MUC4: variants seen among roughly 807,000 people sequenced by gnomAD.
MUC4 encodes the protein mucin-4.
MUC4 carries 202 observed loss-of-function variants against 257.9 expected under a neutral mutation model. That is an observed-to-expected ratio of 0.78 (90% CI 0.70 to 0.88). The LOEUF (loss-of-function observed/expected upper bound fraction) is 0.88, where lower values mean the gene tolerates loss of function less well. Among genes scored for constraint, MUC4 ranks in the 40% least tolerant of loss-of-function variants. The pLI is 0.00. For synonymous variants in MUC4, 2,351 were observed against 2,757.1 expected, an observed-to-expected ratio of 0.85 and a Z score of 4.62; for missense variants, 5,976 against 6,513.7, an observed-to-expected ratio of 0.92 and a Z score of 2.84.
At chr3:195,749,849 T>C (rs1716007558) in intron 23 of MUC4, 1 of 152,312 alleles carries the variant, frequency 6.6e-6, no homozygotes, top group Admixed American at 6.5e-5. Flanking sequence ...GGATTGGGAT[T>C]ACAGGGTTTT....
chr3:195,747,525 T>A, intron 24 of MUC4, 145 bp from the exon 25 acceptor site: 1 of 1,019,470 alleles, frequency 9.8e-7, no homozygotes, highest in Non-Finnish European at 1.4e-6. Flanking sequence ...CCTGAGGCCG[T>A]GCTGAAGTGA....
At chr3:195,767,644 G>A (rs868125141) in intron 7 of MUC4, among the ~76,000 whole-genome samples, 469 of 22,568 alleles carry the variant, frequency 0.021, 4 homozygotes, top group Middle Eastern at 0.053. Flanking sequence ...CACCACCATC[G>A]CCACCACCAC....
At position 195,762,940 on chromosome 3, in the gene MUC4, T is replaced by C. The variant is rs376665664; in HGVS notation, c.14259A>G (p.Gln4753=). Residue 4753 remains glutamine (Q), a synonymous_variant, in exon 13 of 25, where the codon CAA becomes CAG. Coordinates refer to ENST00000463781, the MANE Select transcript of MUC4 (RefSeq NM_018406.7). The part of the protein sequence containing the change: ...RSSSLGPVTV[Q]WLLEPHDAIR... ...TTGCGTCGTGAGGCTCAAGGAGCCA[T>C]TGGACCTGGAAGGAGATGGGAGGGG... 1.5e-5 allele frequency: 24 copies of C among 1,558,812 alleles called. No individual in the cohort carries two copies. In the African/African-American group the frequency reaches 2.0e-4, roughly 13 times the overall value.
intron 1 of MUC4, among the ~76,000 whole-genome samples, chr3:195,797,059 C>G (rs1165083192): frequency 6.6e-6 from 1 of 152,040 alleles, no homozygotes; most frequent in East Asian, 1.9e-4. Flanking sequence ...CCTGGCCAAC[C>G]TAGAGAAACC....
In MUC4 at chr3:195,780,669, G is replaced by C. The variant is rs780963852; in HGVS notation, c.10911C>G (p.Ser3637Arg). The change falls in exon 2 of 25, where the codon AGC becomes AGG. Residue 3637 changes from serine (S) to arginine (R), a missense_variant. Ser to Arg is a moderately radical substitution (Grantham distance 110, BLOSUM62 -1). Around this residue, in one of 44 missense-constraint regions of MUC4, gnomAD observed 59 missense variants for 149.8 expected, o/e 0.39. Transcript: ENST00000463781. ...TGTCACCTGTGGATACTGAGGAAAG[G>C]CTGGTGACAGGAAGAGGGGTGGCCT... ...TGQATPLPVT[S>R]LSSVSTGDTT... 6.6e-7 allele frequency: 1 copy of C among 1,523,656 alleles called. No individual in the cohort carries two copies. The highest frequency in any genetic ancestry group is 1.2e-5 in the South Asian group (1 of 83,146). 94.4% of individuals were successfully genotyped at this position (1,523,656 alleles called of 1,614,324 possible).
chr3:195,756,831 T>G (rs897889045), intron 18 of MUC4, among the ~76,000 whole-genome samples: 1 of 151,864 alleles, frequency 6.6e-6, no homozygotes, highest in Non-Finnish European at 1.5e-5. Flanking sequence ...CCCAGCTAAT[T>G]TTTGTATTTT....
Position 195,752,459 on chromosome 3 carries a change from G to A in MUC4, c.15509-13C>T. 1.2e-6 allele frequency: 2 copies of A among 1,609,734 alleles called. No homozygotes were observed. The highest frequency in any genetic ancestry group is 4.5e-5 in the East Asian group (2 of 44,856). On this transcript the variant is annotated splice_polypyrimidine_tract_variant and intron_variant, in intron 20 of 24. Transcript: ENST00000463781. ...CTTAAGGGAAGTTCTGGAGATGGGA[G>A]AAGCAAATGTATCATCACCCCACGG... is the stretch of plus-strand genomic sequence containing the variant.
In MUC4 at chr3:195,784,805, C is replaced by G. The variant is rs766148419; in HGVS notation, c.6775G>C (p.Val2259Leu). The change falls in exon 2 of 25, where the codon GTC becomes CTC. Residue 2259 changes from valine to leucine, a missense_variant. Coordinates refer to ENST00000463781, the MANE Select transcript of MUC4 (RefSeq NM_018406.7). ...GTGGACACTGAGGAAGCGTCGGTGA[C>G]AGGAAGAGGGGTGGTGTCACCTGTG... ...ASTGDTTPLP[V>L]TDASSVSTGH... is the part of the protein sequence containing the mutation. 2 of 1,527,826 alleles carry G rather than the reference C, an allele frequency of 1.3e-6. No individual in the cohort carries two copies. The highest frequency in any genetic ancestry group is 8.8e-7 in the Non-Finnish European group (1 of 1,130,854). 94.6% of individuals were successfully genotyped at this position (1,527,826 alleles called of 1,614,324 possible). A position where few individuals can be genotyped will look rare whatever the true frequency, so the allele number is the denominator to read the frequency against.
At chr3:195,794,378 AGAGAGAGAGAGAG>A (rs1462146603) in intron 1 of MUC4, among the ~76,000 whole-genome samples, 5 of 144,684 alleles carry the variant, frequency 3.5e-5, no homozygotes, top group African/African-American at 1.3e-4. Context: ...ATATATAGAG[AGAGAGAGAGAGAG>A]AAGAAAGAGA....
intron 1 of MUC4, among the ~76,000 whole-genome samples, chr3:195,808,536 T>A (rs896357566): frequency 2.6e-5 from 4 of 152,198 alleles, no homozygotes; most frequent in Non-Finnish European, 4.4e-5. Flanking sequence ...CACCAGATGC[T>A]GTCTCGTTTC....
Position 195,810,684 on chromosome 3 carries a change from C to A in MUC4, c.82+1052G>T, listed in dbSNP as rs891869506. Among the ~76,000 whole-genome samples the A allele has an allele frequency of 6.6e-6, 1 of 152,140 alleles. No homozygotes were observed. The highest frequency in any genetic ancestry group is 2.4e-5 in the African/African-American group (1 of 41,424). ...TGCGCCCTGGCCGCCTCCTCCGCACCACCCTCCCGGCCGGCCTGCCCCTCT... is the reference window on the plus strand; with the variant it reads ...TGCGCCCTGGCCGCCTCCTCCGCACAACCCTCCCGGCCGGCCTGCCCCTCT... On this transcript the variant is annotated intron_variant, in intron 1 of 24. Coordinates refer to ENST00000463781, the MANE Select transcript of MUC4 (RefSeq NM_018406.7). This position sits in a 1 kb window ranked among gnomAD's most constrained non-coding sequence, Gnocchi z 4.2.
In MUC4 at chr3:195,788,872, G is replaced by A. The variant is rs2149035758; in HGVS notation, c.2708C>T (p.Ala903Val). The change falls in exon 2 of 25, where the codon GCC becomes GTC. Residue 903 changes from alanine (A) to valine (V), a missense_variant. This residue lies in a region of MUC4 where 1,583 missense variants were observed against 1,257.4 expected (regional missense o/e 1.26). Coordinates refer to ENST00000463781, the MANE Select transcript of MUC4 (RefSeq NM_018406.7). The stretch of plus-strand genomic sequence containing the variant: ...CTGAGTCTGGGCCATCCGGGAAATG[G>A]CGGCTGTCTCCTGAGGAGAGGCACT... ...SPSASPQETA[A>V]ISRMAQTQRT... is the part of the protein sequence containing the mutation. 3 of 1,613,880 alleles carry A rather than the reference G, an allele frequency of 1.9e-6. No homozygotes were observed. Among genetic ancestry groups the A allele is most frequent in the Non-Finnish European group, 8.5e-7 (1 of 1,179,830 alleles).
At position 195,789,370 on chromosome 3, in the gene MUC4, G is replaced by T; in HGVS notation, c.2210C>A (p.Ala737Asp). ...SGGTSLSKTG[A>D]LTLANSVVST... ...CACTACAGAGTTGGCCAGAGTAAGG[G>T]CACCTGTTTTGGAAAGTGACGTGCC... Residue 737 changes from alanine (A) to aspartate (D), a missense_variant, in exon 2 of 25, where the codon GCC becomes GAC. Coordinates refer to ENST00000463781, the MANE Select transcript of MUC4 (RefSeq NM_018406.7). The T allele has an allele frequency of 5.6e-6, 9 of 1,613,934 alleles. No homozygotes were observed. The highest frequency in any genetic ancestry group is 7.6e-6 in the Non-Finnish European group (9 of 1,179,882).
Position 195,762,256 on chromosome 3 carries a change from TGGAGCATCG to T in MUC4, c.14345-11_14345-3del. On this transcript the variant is annotated splice_polypyrimidine_tract_variant and splice_region_variant and intron_variant, in intron 13 of 24. Coordinates refer to ENST00000463781, the MANE Select transcript of MUC4 (RefSeq NM_018406.7). The stretch of plus-strand genomic sequence containing the variant: ...CGGTGGCGTTGAACGTCTCCTGGCC[TGGAGCATCG>T]GGAGGCAGCGGAGAGGAAGCCAGGT... 2 of 1,572,592 alleles carry T rather than the reference TGGAGCATCG, an allele frequency of 1.3e-6. No homozygotes were observed.
Position 195,757,428 on chromosome 3 carries a change from TC to T in MUC4, c.14987-101del. ...TTCCCCCACCCCTCTCAGGCCACCC[TC>T]CCCCTCCCCAGACAAATCTCATTGG... On this transcript the variant is annotated intron_variant, in intron 17 of 24. Coordinates refer to ENST00000463781, the MANE Select transcript of MUC4 (RefSeq NM_018406.7). This position sits in a 1 kb window ranked among gnomAD's most constrained non-coding sequence, Gnocchi z 4.8. 1 of 1,012,952 alleles carries T rather than the reference TC, an allele frequency of 9.9e-7. No homozygotes were observed. Among genetic ancestry groups the T allele is most frequent in the Non-Finnish European group, 1.4e-6 (1 of 723,136 alleles). The allele number at this position is 1,012,952 out of a possible 1,614,324, so 62.7% of individuals were successfully genotyped here.
rs372557419 is a variant in MUC4, at chr3:195,790,592, C to T, written c.988G>A (p.Val330Met). The T allele has an allele frequency of 2.9e-5, 46 of 1,613,910 alleles. No homozygotes were observed. Among genetic ancestry groups the T allele is most frequent in the Middle Eastern group, 1.6e-4 (1 of 6,062 alleles). ...AFSKNHQTQS[V>M]ETTRVSQINT... ...ATTTGAGATACTCTGGTGGTCTCCACGCTCTGAGTCTGGTGGTTCTTAGAA... is the reference window on the plus strand; with the variant it reads ...ATTTGAGATACTCTGGTGGTCTCCATGCTCTGAGTCTGGTGGTTCTTAGAA... Residue 330 changes from valine (V) to methionine (M), a missense_variant, in exon 2 of 25, where the codon GTG becomes ATG. This residue lies in a region of MUC4 where 1,583 missense variants were observed against 1,257.4 expected (regional missense o/e 1.26). Coordinates refer to ENST00000463781, the MANE Select transcript of MUC4 (RefSeq NM_018406.7).
intron 6 of MUC4, chr3:195,769,360 G>A (rs184022328): frequency 4.6e-5 from 28 of 606,808 alleles, no homozygotes; most frequent in South Asian, 8.1e-5. Context: ...CACTTACCAC[G>A]GTGGATTTGC....
chr3:195,769,195 T>G (rs1389178139), intron 6 of MUC4, 43 bp from the exon 7 acceptor site: 1 of 1,607,898 alleles, frequency 6.2e-7, no homozygotes, highest in Non-Finnish European at 8.5e-7. Context: ...CCGTGAGAGA[T>G]CCGGGGTCTC....
intron 24 of MUC4, among the ~76,000 whole-genome samples, chr3:195,747,982 CGCCCCGCCCCGCCCACCCGGAGAGCCGG>C: frequency 6.6e-6 from 1 of 151,902 alleles, no homozygotes; most frequent in South Asian, 2.1e-4. Context: ...AGCCCGGCCC[CGCCCCGCCCCGCCCACCCGGAGAGCCGG>C]GCCCCGCCCC....
Sources: gnomAD v4.1 joint callset for allele counts (sites outside exome capture counted in the v4.1 genomes callset) on GRCh38, gnomAD v4.1.1 for gene constraint, gnomAD v4.1.1 regional missense constraint, Gnocchi (gnomAD v3.1) non-coding constraint, MANE v1.5 for transcripts, NCBI Gene and HGNC (gene_info 2026-07-23, HGNC 2026-07-21) for gene names.